STIM2: variants seen among roughly 807,000 people sequenced by gnomAD.
The protein encoded by STIM2 is stromal interaction molecule 2.
Under a neutral mutation model 85.8 loss-of-function variants are expected in STIM2, and 31 were observed. That is an observed-to-expected ratio of 0.36 (90% confidence interval 0.27 to 0.49). The LOEUF (loss-of-function observed/expected upper bound fraction) is 0.49. STIM2 is among the 20% of genes least tolerant of loss of function. The pLI is 0.98. For synonymous variants in STIM2, 356 were observed against 331.1 expected (o/e 1.08, Z -0.82); for missense variants, 841 against 927.6 (o/e 0.91, Z 1.21).
At chr4:26,961,991 T>C (rs942345325) in intron 3 of STIM2, among the ~76,000 whole-genome samples, 3 of 152,140 alleles carry the variant, frequency 2.0e-5, no homozygotes, top group Non-Finnish European at 4.4e-5. Flanking sequence ...CCTCAAGCAG[T>C]CCTCCTGTCT....
intron 1 of STIM2, chr4:26,874,228 C>T (rs1478647880): frequency 2.7e-5 from 12 of 444,806 alleles, no homozygotes; most frequent in South Asian, 1.1e-4. Context: ...CCCAGGGCTG[C>T]GGCAGGGGTC....
At chr4:26,977,523 C>T (rs371754086) in intron 3 of STIM2, among the ~76,000 whole-genome samples, 3 of 151,992 alleles carry the variant, frequency 2.0e-5, no homozygotes, top group Non-Finnish European at 2.9e-5. Flanking sequence ...TGAGGCTTCG[C>T]GTGAACTGGT....
At chr4:27,012,324 A>T (rs185701921) in intron 10 of STIM2, among the ~76,000 whole-genome samples, 469 of 151,798 alleles carry the variant, frequency 3.1e-3, no homozygotes, top group African/African-American at 0.01. Flanking sequence ...GGTTTAAAAA[A>T]TTTTTTTTTG....
At chr4:26,995,516 T>C in intron 4 of STIM2, 26 bp downstream of exon 4, 1 of 1,469,632 alleles carries the variant, frequency 6.8e-7, no homozygotes, top group Non-Finnish European at 9.3e-7. Context: ...GCAAATGTAT[T>C]TTCCACTCAG....
chr4:27,025,366 A>G lies in STIM2; in HGVS notation c.*2370A>G, dbSNP rs1276521619. On this transcript the variant is annotated 3_prime_UTR_variant, in exon 12 of 12. Transcript: ENST00000467087. ...TGGTGTTTTCCTGATTTTAAAAGCA[A>G]TATTTTCCTTACTGTAAAAAAAAAA... 1 of 147,252 alleles carries G rather than the reference A, an allele frequency of 6.8e-6. No individual in the cohort carries two copies. The highest frequency in any genetic ancestry group is 2.3e-4 in the East Asian group (1 of 4,360). The allele number at this position is 147,252 out of a possible 1,614,324, so 9.1% of individuals were successfully genotyped here. A position where few individuals can be genotyped will look rare whatever the true frequency, so the allele number is the denominator to read the frequency against.
chr4:27,001,282 C>T (rs531398863), intron 5 of STIM2, among the ~76,000 whole-genome samples: 26 of 152,080 alleles, frequency 1.7e-4, no homozygotes, highest in Non-Finnish European at 3.5e-4. Context: ...GAGAGAGCCC[C>T]GTGAAAATTA....
chr4:27,019,372 A>G (rs1423201091), intron 11 of STIM2: 2 of 1,253,662 alleles, frequency 1.6e-6, no homozygotes, highest in Middle Eastern at 2.2e-4. Context: ...TTAACACTTT[A>G]TGACTAGCTT....
intron 10 of STIM2, among the ~76,000 whole-genome samples, chr4:27,009,979 A>G (rs1028247395): frequency 1.3e-5 from 2 of 152,318 alleles, no homozygotes; most frequent in South Asian, 2.1e-4. Context: ...TTGCTTTTTA[A>G]AAAACACTTT....
At chr4:26,937,366 A>G (rs913677879) in intron 2 of STIM2, among the ~76,000 whole-genome samples, 14 of 152,138 alleles carry the variant, frequency 9.2e-5, no homozygotes, top group African/African-American at 3.1e-4. Context: ...TTTCAGTTCC[A>G]GCCTGATGGT....
intron 1 of STIM2, among the ~76,000 whole-genome samples, chr4:26,914,463 T>G (rs538932525): frequency 6.6e-6 from 1 of 152,244 alleles, no homozygotes; most frequent in Admixed American, 6.5e-5. Flanking sequence ...CATGTAGACA[T>G]GACTATTCCC....
intron 2 of STIM2, among the ~76,000 whole-genome samples, chr4:26,945,354 G>A (rs113832819): frequency 0.038 from 5,740 of 152,162 alleles, 254 homozygotes; most frequent in African/African-American, 0.11. Context: ...ATTGATGGGC[G>A]TTTAGGTTGA....
chr4:26,981,148 T>C (rs1311413420), intron 3 of STIM2, among the ~76,000 whole-genome samples: 3 of 152,178 alleles, frequency 2.0e-5, no homozygotes, highest in African/African-American at 7.2e-5. Context: ...ACTTACTAGA[T>C]TTGTGACATC....
intron 1 of STIM2, among the ~76,000 whole-genome samples, chr4:26,866,104 T>G (rs1722399870): frequency 6.6e-6 from 1 of 152,194 alleles, no homozygotes; most frequent in South Asian, 2.1e-4. Context: ...AGATTTTAGT[T>G]ACCAACGATC....
chr4:27,021,466 G>C (rs1265677010), intron 11 of STIM2: 3 of 456,636 alleles, frequency 6.6e-6, no homozygotes, highest in Non-Finnish European at 1.3e-5. Context: ...GCAGGGCCCT[G>C]AGGGGTCTCG....
intron 1 of STIM2, chr4:26,873,856 C>T: frequency 8.8e-7 from 1 of 1,138,232 alleles, no homozygotes; most frequent in Non-Finnish European, 1.3e-6. Context: ...TACGTGAACC[C>T]ATCCGGGCAG....
In STIM2 at chr4:27,022,152, C is replaced by T. The variant is rs117505578; in HGVS notation, c.1764-367C>T. On this transcript the variant is annotated intron_variant, in intron 11 of 11. Transcript: ENST00000467087. ...GACTAAAATTCATCTTTTAAAATAGCGTTAACTCTGATTTAGAAAGAAAAA... is the reference window on the plus strand; with the variant it reads ...GACTAAAATTCATCTTTTAAAATAGTGTTAACTCTGATTTAGAAAGAAAAA... Among the ~76,000 whole-genome samples the T allele has an allele frequency of 9.2e-5, 14 of 152,022 alleles. No homozygotes were observed. The East Asian group carries it at 1.9e-3, about 21-fold the overall frequency.
chr4:26,999,470 A>C (rs934446331), intron 5 of STIM2, 123 bp downstream of exon 5: 1 of 412,558 alleles, frequency 2.4e-6, no homozygotes, highest in Non-Finnish European at 4.2e-6. Context: ...TACCTGTGAA[A>C]GAAGTGTAAT....
At chr4:26,934,523 A>G (rs1022430922) in intron 2 of STIM2, among the ~76,000 whole-genome samples, 1 of 152,242 alleles carries the variant, frequency 6.6e-6, no homozygotes, top group African/African-American at 2.4e-5. Flanking sequence ...TTCATCATAT[A>G]GCACATTAGT....
Position 27,022,723 on chromosome 4 carries a change from G to T in STIM2, c.1968G>T (p.Leu656=), listed in dbSNP as rs1341976497. ...GGGGTTCTCCCGACTGTGTAGGTCT[G>T]ACAGAAACTAAGAGTATGATCTTCA... The change falls in exon 12 of 12, where the codon CTG becomes CTT. Residue 656 remains leucine, a synonymous_variant. Coordinates refer to ENST00000467087, the MANE Select transcript of STIM2 (RefSeq NM_020860.4). 1 of 1,613,820 alleles carries T rather than the reference G, an allele frequency of 6.2e-7. No individual in the cohort carries two copies. The highest frequency in any genetic ancestry group is 8.5e-7 in the Non-Finnish European group (1 of 1,179,940).
Sources: gnomAD v4.1 joint callset for allele counts (sites outside exome capture counted in the v4.1 genomes callset) on GRCh38, gnomAD v4.1.1 for gene constraint, MANE v1.5 for transcripts, NCBI Gene and HGNC (gene_info 2026-07-23, HGNC 2026-07-21) for gene names.